The following PKHD1 variants were observed in gnomAD, a reference collection of about 807,000 sequenced individuals.
PKHD1 encodes fibrocystin.
A neutral mutation model predicts 412.0 loss-of-function variants in PKHD1; 291 were observed. That is an observed-to-expected ratio of 0.71 (90% confidence interval 0.64 to 0.78). The LOEUF (loss-of-function observed/expected upper bound fraction) is 0.78. Ranked by LOEUF, PKHD1 falls within the 30% of genes least tolerant of loss-of-function variation. The probability of loss-of-function intolerance (pLI) is 0.00; values close to 1 mark genes in which losing one functional copy is unlikely to be tolerated. For synonymous variants in PKHD1, 1,777 were observed against 1,821.5 expected, an observed-to-expected ratio of 0.98 and a Z score of 0.62; for missense variants, 4,825 against 4,950.7, an observed-to-expected ratio of 0.97 and a Z score of 0.76.
intron 35 of PKHD1, among the ~76,000 whole-genome samples, chr6:51,996,178 T>A (rs947736794): frequency 6.7e-6 from 1 of 148,482 alleles, no homozygotes; most frequent in Non-Finnish European, 1.5e-5. Context: ...GCTTTTTTTT[T>A]TTTTTTTTTT....
intron 60 of PKHD1, among the ~76,000 whole-genome samples, chr6:51,672,835 T>C (rs1326700953): frequency 6.6e-6 from 1 of 152,152 alleles, no homozygotes; most frequent in Non-Finnish European, 1.5e-5. Context: ...ACAATTTGAG[T>C]TGGAAAGACC....
intron 52 of PKHD1, among the ~76,000 whole-genome samples, chr6:51,830,519 TA>T (rs1364897294): frequency 1.3e-5 from 2 of 152,224 alleles, no homozygotes; most frequent in Non-Finnish European, 2.9e-5. Context: ...TTGTCTTCCA[TA>T]CCCTCTGTGT....
At chr6:51,628,742 G>T (rs1051088086) in intron 65 of PKHD1, among the ~76,000 whole-genome samples, 2 of 152,114 alleles carry the variant, frequency 1.3e-5, no homozygotes, top group African/African-American at 4.8e-5. Flanking sequence ...ATCTGTTACT[G>T]TTTTAACTTT....
chr6:51,926,332 G>A (rs1785618045), intron 37 of PKHD1, among the ~76,000 whole-genome samples: 1 of 152,080 alleles, frequency 6.6e-6, no homozygotes, highest in African/African-American at 2.4e-5. Context: ...TGGAGCACCT[G>A]GACTCAGCTG....
chr6:51,662,548 T>A (rs185055026), intron 60 of PKHD1, among the ~76,000 whole-genome samples: 1 of 151,770 alleles, frequency 6.6e-6, no homozygotes. Context: ...TAGAAAAAGA[T>A]CACAGAAAAG....
chr6:51,854,573 C>G (rs551187341), intron 49 of PKHD1, among the ~76,000 whole-genome samples: 8 of 152,264 alleles, frequency 5.3e-5, no homozygotes, highest in Admixed American at 1.3e-4. Context: ...ACCCACTCCC[C>G]CTGGGGCTCA....
In PKHD1 at chr6:51,871,592, G is replaced by A. The variant is rs771597042; in HGVS notation, c.7351-953C>T. On this transcript the variant is annotated intron_variant, in intron 46 of 66. Transcript: ENST00000371117. ...GCAACTGTTCTGTGTCTTGATTGTC[G>A]TGGTGGTTGTTACACAAATGTGTAC... is the stretch of plus-strand genomic sequence containing the variant. Among the ~76,000 whole-genome samples, 6 of 118,790 alleles carry A rather than the reference G, an allele frequency of 5.1e-5. 3 individuals are homozygous for A. The highest frequency in any genetic ancestry group is 1.1e-4 in the African/African-American group (4 of 36,546). 77.9% of individuals were successfully genotyped at this position (118,790 alleles called of 152,430 possible).
intron 60 of PKHD1, chr6:51,722,126 A>C (rs1782001764): frequency 6.3e-7 from 1 of 1,577,082 alleles, no homozygotes; most frequent in Non-Finnish European, 8.7e-7. Flanking sequence ...TCCAAATGAA[A>C]ATACCCCACA....
At chr6:51,766,825 C>G (rs1337957204) in intron 55 of PKHD1, among the ~76,000 whole-genome samples, 1 of 151,888 alleles carries the variant, frequency 6.6e-6, no homozygotes, top group Admixed American at 6.6e-5. Context: ...GATCATTTGT[C>G]ATCACATTTT....
intron 35 of PKHD1, among the ~76,000 whole-genome samples, chr6:51,966,884 C>CGGA (rs1185283092): frequency 3.6e-5 from 5 of 138,194 alleles, no homozygotes; most frequent in African/African-American, 1.4e-4. Flanking sequence ...AGAGACTGCT[C>CGGA]TGATTGGATT....
rs945979738 is a variant in PKHD1 at position 51,787,567 on chromosome 6, G to C, written c.8440+3669C>G. 2.0e-5 allele frequency among the ~76,000 whole-genome samples: 3 copies of C among 152,170 alleles called. No homozygotes were observed. The South Asian group carries it at 6.2e-4, about 32-fold the overall frequency. On this transcript the variant is annotated intron_variant, in intron 53 of 66. Transcript: ENST00000371117. ...GTAAAATTGGACAGATGGGTTGAAA[G>C]TCTTCCTTCAGGCACAATACACATA...
intron 11 of PKHD1, among the ~76,000 whole-genome samples, chr6:52,068,490 A>AATTGC (rs1472620345): frequency 6.6e-6 from 1 of 152,224 alleles, no homozygotes; most frequent in African/African-American, 2.4e-5. Context: ...TTGGCTATGG[A>AATTGC]CATAAGATTT....
At chr6:51,991,486 A>C (rs992321142) in intron 35 of PKHD1, among the ~76,000 whole-genome samples, 3 of 152,342 alleles carry the variant, frequency 2.0e-5, no homozygotes, top group East Asian at 3.9e-4. Flanking sequence ...CATAGTCCTC[A>C]CTTAAAAAAA....
chr6:52,047,974 G>C (rs931111653), intron 23 of PKHD1, among the ~76,000 whole-genome samples: 6 of 152,210 alleles, frequency 3.9e-5, no homozygotes, highest in Non-Finnish European at 8.8e-5. Context: ...TATATAATAG[G>C]TACCCTTATA....
In PKHD1 at chr6:52,056,942, G is replaced by A; in HGVS notation, c.1550C>T (p.Thr517Ile). The change falls in exon 17 of 67, where the codon ACT (threonine) becomes ATT (isoleucine). Residue 517 changes from threonine (T) to isoleucine (I), a missense_variant. Thr to Ile is a moderately conservative substitution (Grantham distance 89). Coordinates refer to ENST00000371117, the MANE Select transcript of PKHD1 (RefSeq NM_138694.4). The part of the protein sequence containing the change: ...NVSGRGNFFL[T>I]WDNVSSQPIP... ...TGGCTGACTAGAGACATTGTCCCAA[G>A]TAAGGAAGAAGTTTCCTCTGCCTGA... 1 of 1,613,956 alleles carries A rather than the reference G, an allele frequency of 6.2e-7. No homozygotes were observed. The highest frequency in any genetic ancestry group is 8.5e-7 in the Non-Finnish European group (1 of 1,179,848).
intron 66 of PKHD1, among the ~76,000 whole-genome samples, chr6:51,626,765 C>G (rs1767288884): frequency 6.6e-6 from 1 of 152,134 alleles, no homozygotes; most frequent in Non-Finnish European, 1.5e-5. Flanking sequence ...AACCAATAAT[C>G]TTCTACTAAA....
chr6:51,628,691 A>T (rs1359895356), intron 65 of PKHD1, among the ~76,000 whole-genome samples: 1 of 152,184 alleles, frequency 6.6e-6, no homozygotes, highest in Non-Finnish European at 1.5e-5. Context: ...ATTCCCACCA[A>T]CAGTGTATCA....
At chr6:51,884,045 T>G (rs1475359993) in intron 45 of PKHD1, among the ~76,000 whole-genome samples, 2 of 152,166 alleles carry the variant, frequency 1.3e-5, no homozygotes, top group Admixed American at 1.3e-4. Flanking sequence ...TTTCCCAAAT[T>G]TTATTATTCT....
At chr6:51,675,138 C>A (rs545140612) in intron 60 of PKHD1, among the ~76,000 whole-genome samples, 1 of 152,210 alleles carries the variant, frequency 6.6e-6, no homozygotes, top group Non-Finnish European at 1.5e-5. Context: ...GTTCCAGAGC[C>A]ACCAAATGGG....
Sources: allele counts gnomAD v4.1 joint callset (sites outside exome capture counted in the v4.1 genomes callset), GRCh38; gene constraint gnomAD v4.1.1; transcripts MANE v1.5; gene names NCBI Gene and HGNC (gene_info 2026-07-23, HGNC 2026-07-21).